NME7: variants seen among roughly 807,000 people sequenced by gnomAD.
NME7 encodes nucleoside diphosphate kinase 7.
A neutral mutation model predicts 49.1 loss-of-function variants in NME7; 41 were observed. That is an observed-to-expected ratio of 0.83 (90% CI 0.65 to 1.08). The LOEUF (loss-of-function observed/expected upper bound fraction) is 1.08. Among genes scored for constraint, NME7 ranks in the 50% least tolerant of loss-of-function variants. The probability of loss-of-function intolerance (pLI) is 0.00; values close to 1 mark genes in which losing one functional copy is unlikely to be tolerated. For synonymous variants in NME7, 139 were observed against 150.6 expected, an observed-to-expected ratio of 0.92 and a Z score of 0.56; for missense variants, 423 against 463.4, an observed-to-expected ratio of 0.91 and a Z score of 0.80.
chr1:169,169,085 A>G (rs1485952422), intron 11 of NME7: 9 of 468,684 alleles, frequency 1.9e-5, no homozygotes, highest in South Asian at 1.5e-4. Flanking sequence ...AAAAATATCT[A>G]AATTCTTTGA....
chr1:169,355,585 A>G (rs1653442461), intron 1 of NME7, among the ~76,000 whole-genome samples: 3 of 151,332 alleles, frequency 2.0e-5, no homozygotes, highest in Middle Eastern at 3.4e-3. Flanking sequence ...AAATAAACCA[A>G]GCAGGCTCCC....
At chr1:169,244,916 G>A (rs189362922) in intron 7 of NME7, among the ~76,000 whole-genome samples, 1 of 152,170 alleles carries the variant, frequency 6.6e-6, no homozygotes, top group African/African-American at 2.4e-5. Flanking sequence ...ATCACTTGAG[G>A]TCCTGAGTTC....
rs944907190 is a variant in NME7, at chr1:169,223,354, G to GT, written c.990+7363dup. On this transcript the variant is annotated intron_variant, in intron 10 of 11. Coordinates refer to ENST00000367811, the MANE Select transcript of NME7 (RefSeq NM_013330.5). ...AACATTATTAACTATAATGTTAAGG[G>GT]TTTTTTTTTAATTAATAAATATTTT... Among the ~76,000 whole-genome samples, 10 of 150,142 alleles carry GT rather than the reference G, an allele frequency of 6.7e-5. No homozygotes were observed. The East Asian group carries it at 9.8e-4, about 15-fold the overall frequency.
At chr1:169,330,256 A>C (rs6662237) in intron 1 of NME7, among the ~76,000 whole-genome samples, 96,200 of 151,952 alleles carry the variant, frequency 0.63, 30,754 homozygotes, top group East Asian at 0.92. Flanking sequence ...CCTGAAGGTA[A>C]AAAACTCACT....
At chr1:169,240,277 T>G (rs1648025615) in intron 7 of NME7, among the ~76,000 whole-genome samples, 1 of 151,830 alleles carries the variant, frequency 6.6e-6, no homozygotes, top group Admixed American at 6.6e-5. Context: ...CAGGAAGAGA[T>G]TATAGTATTT....
chr1:169,148,291 C>T (rs1353957880), intron 11 of NME7, among the ~76,000 whole-genome samples: 1 of 152,216 alleles, frequency 6.6e-6, no homozygotes. Context: ...GTGTGAACCA[C>T]TGCACCCGGA....
chr1:169,357,778 G>A (rs1005651289), intron 1 of NME7, among the ~76,000 whole-genome samples: 6 of 151,978 alleles, frequency 3.9e-5, no homozygotes, highest in African/African-American at 1.4e-4. Flanking sequence ...AACAGACTGG[G>A]TCTGAACGGT....
intron 1 of NME7, among the ~76,000 whole-genome samples, chr1:169,359,165 C>T (rs10800437): frequency 0.13 from 20,099 of 152,094 alleles, 2,759 homozygotes; most frequent in East Asian, 0.79. Flanking sequence ...TGCATATCCT[C>T]CAGTATATTT....
intron 11 of NME7, among the ~76,000 whole-genome samples, chr1:169,159,475 C>T (rs1461147827): frequency 2.6e-5 from 4 of 152,012 alleles, no homozygotes; most frequent in Non-Finnish European, 5.9e-5. Flanking sequence ...TTTGTCACAC[C>T]CCAACCCACC....
chr1:169,233,666 T>C (rs1282191353), intron 9 of NME7, among the ~76,000 whole-genome samples: 1 of 152,192 alleles, frequency 6.6e-6, no homozygotes, highest in Non-Finnish European at 1.5e-5. Flanking sequence ...ACTCTACTCA[T>C]TAGAGTTCCT....
At chr1:169,184,757 T>A (rs1660021690) in intron 10 of NME7, among the ~76,000 whole-genome samples, 2 of 149,948 alleles carry the variant, frequency 1.3e-5, no homozygotes, top group African/African-American at 4.8e-5. Flanking sequence ...CACAGTCTTA[T>A]AAGAAGTCAG....
chr1:169,292,618 G>A (rs373811713), intron 6 of NME7, among the ~76,000 whole-genome samples: 3 of 152,122 alleles, frequency 2.0e-5, no homozygotes, highest in Non-Finnish European at 2.9e-5. Context: ...GGGGCTGGGA[G>A]ACAGATCACT....
At chr1:169,337,030 G>C (rs549636489) in intron 1 of NME7, among the ~76,000 whole-genome samples, 3 of 152,236 alleles carry the variant, frequency 2.0e-5, no homozygotes, top group African/African-American at 2.4e-5. Flanking sequence ...ATCCCGCACC[G>C]GGGCTGCAGG....
chr1:169,259,337 T>C (rs1476519222), intron 7 of NME7, among the ~76,000 whole-genome samples: 1 of 133,594 alleles, frequency 7.5e-6, no homozygotes, highest in Non-Finnish European at 1.8e-5. Context: ...TCTTGAAATA[T>C]GTGGTTGATT....
At chr1:169,175,696 C>T (rs1048101718) in intron 10 of NME7, among the ~76,000 whole-genome samples, 2 of 151,912 alleles carry the variant, frequency 1.3e-5, no homozygotes, top group African/African-American at 2.4e-5. Context: ...TGGTTTATCA[C>T]GAGGTCACTA....
intron 1 of NME7, among the ~76,000 whole-genome samples, chr1:169,342,428 T>C (rs1652746579): frequency 1.3e-5 from 2 of 150,052 alleles, no homozygotes; most frequent in South Asian, 2.1e-4. Context: ...TCTCACGTAG[T>C]ACCTTTATAG....
At chr1:169,173,789 G>A (rs976014482) in intron 10 of NME7, among the ~76,000 whole-genome samples, 2 of 151,992 alleles carry the variant, frequency 1.3e-5, no homozygotes, top group Non-Finnish European at 2.9e-5. Context: ...ATACTACCAC[G>A]CATAGTTCCC....
chr1:169,281,749 G>A (rs1317034236), intron 7 of NME7, among the ~76,000 whole-genome samples: 3 of 152,124 alleles, frequency 2.0e-5, no homozygotes, highest in Non-Finnish European at 4.4e-5. Context: ...GATGAATTAC[G>A]TTTATCGATT....
intron 7 of NME7, among the ~76,000 whole-genome samples, chr1:169,258,405 T>TATATACACAC (rs1422519342): frequency 2.9e-5 from 2 of 68,802 alleles, no homozygotes; most frequent in African/African-American, 1.1e-4. Flanking sequence ...TATATATATA[T>TATATACACAC]ACACACACAC....
Sources: allele counts gnomAD v4.1 joint callset (sites outside exome capture counted in the v4.1 genomes callset), GRCh38; gene constraint gnomAD v4.1.1; transcripts MANE v1.5; gene names NCBI Gene and HGNC (gene_info 2026-07-23, HGNC 2026-07-21).